Variants in PHF12 observed in about 807,000 individuals in gnomAD.
PHF12 encodes the protein PHD finger protein 12.
Under a neutral mutation model 99.8 loss-of-function variants are expected in PHF12, and 6 were observed. The ratio of observed to expected loss-of-function variants is 0.06; its 90% confidence interval spans 0.03 to 0.12. The LOEUF (loss-of-function observed/expected upper bound fraction) is 0.12. Ranked by LOEUF, PHF12 falls within the 10% of genes least tolerant of loss-of-function variation. PHF12 has a pLI of 1.00. For missense variants in PHF12, 954 were observed against 1,300.1 expected, an observed-to-expected ratio of 0.73 and a Z score of 4.09; for synonymous variants, 480 against 514.9, an observed-to-expected ratio of 0.93 and a Z score of 0.92.
intron 5 of PHF12, 55 bp downstream of exon 5, chr17:28,921,633 A>G: frequency 1.3e-6 from 2 of 1,591,148 alleles, no homozygotes; most frequent in African/African-American, 1.3e-5. Context: ...TGATGAGAGA[A>G]AAAGTATCAT....
At position 28,906,758 on chromosome 17, in the gene PHF12, T is replaced by A. The variant is rs934226122; in HGVS notation, c.2680+98A>T. The A allele has an allele frequency of 5.4e-6, 8 of 1,477,064 alleles. No homozygotes were observed. In the East Asian group the frequency reaches 1.8e-4, roughly 34 times the overall value. The allele number at this position is 1,477,064 out of a possible 1,614,324, so 91.5% of individuals were successfully genotyped here. The stretch of plus-strand genomic sequence containing the variant: ...CCACGAGGAAGTAGAGCTTGGCCAA[T>A]AGGACTGGGAAGGCAAGAGACAGAC... On this transcript the variant is annotated intron_variant, in intron 14 of 14. Transcript: ENST00000332830. The surrounding 1 kb of genome is among the most constrained non-coding windows in gnomAD (Gnocchi z 4.2).
At chr17:28,938,817 G>C (rs2040557517) in intron 2 of PHF12, among the ~76,000 whole-genome samples, 1 of 152,058 alleles carries the variant, frequency 6.6e-6, no homozygotes, top group Non-Finnish European at 1.5e-5. Context: ...GTGCTGACTT[G>C]GGCTTCCAAA....
chr17:28,914,925 C>G (rs1428173905), intron 7 of PHF12, among the ~76,000 whole-genome samples: 1 of 152,158 alleles, frequency 6.6e-6, no homozygotes, highest in African/African-American at 2.4e-5. Context: ...GGGCACTGTT[C>G]CAAGTTCTAG....
In PHF12 at chr17:28,906,076, G is replaced by C; in HGVS notation, c.*107C>G. ...ATTTCATGCAAAGATTGTAGTTGAAGGGTTTCTGGTAGAGTATAGAAAACA... is the reference window on the plus strand; with the variant it reads ...ATTTCATGCAAAGATTGTAGTTGAACGGTTTCTGGTAGAGTATAGAAAACA... On this transcript the variant is annotated 3_prime_UTR_variant, in exon 15 of 15. Coordinates refer to ENST00000332830, the MANE Select transcript of PHF12 (RefSeq NM_001033561.2). The surrounding 1 kb of genome is among the most constrained non-coding windows in gnomAD (Gnocchi z 4.2). The C allele has an allele frequency of 1.9e-6, 2 of 1,053,486 alleles. No individual in the cohort carries two copies. The highest frequency in any genetic ancestry group is 5.3e-5 in the East Asian group (2 of 37,694). The allele number at this position is 1,053,486 out of a possible 1,614,324, so 65.3% of individuals were successfully genotyped here.
Position 28,906,020 on chromosome 17 carries a change from AT to A in PHF12, c.*162del, listed in dbSNP as rs1341893998. 1.0e-4 allele frequency: 75 copies of A among 730,564 alleles called. No individual in the cohort carries two copies. In the Admixed American group the frequency reaches 2.5e-3, roughly 24 times the overall value. 45.3% of individuals were successfully genotyped at this position (730,564 alleles called of 1,614,324 possible). On this transcript the variant is annotated 3_prime_UTR_variant, in exon 15 of 15. Coordinates refer to ENST00000332830, the MANE Select transcript of PHF12 (RefSeq NM_001033561.2). This position sits in a 1 kb window ranked among gnomAD's most constrained non-coding sequence, Gnocchi z 4.2. ...CCTAGAACTTGAGAAAAGAAAAAGG[AT>A]TTTTAAAAAACAGTCAAAAGGTTTT...
At chr17:28,936,803 CATCT>C (rs1191820521) in intron 2 of PHF12, among the ~76,000 whole-genome samples, 43 of 152,272 alleles carry the variant, frequency 2.8e-4, no homozygotes, top group Admixed American at 1.2e-3. Flanking sequence ...CTCATCCATC[CATCT>C]GAGGACCACT....
intron 3 of PHF12, chr17:28,926,741 C>T (rs887757834): frequency 4.9e-6 from 7 of 1,433,122 alleles, no homozygotes; most frequent in Non-Finnish European, 6.5e-6. Flanking sequence ...AAGACTACTC[C>T]TGTCACTAGT....
intron 2 of PHF12, among the ~76,000 whole-genome samples, chr17:28,935,970 C>T (rs1255566454): frequency 6.6e-6 from 1 of 152,194 alleles, no homozygotes; most frequent in Non-Finnish European, 1.5e-5. Context: ...AATCGAAGCC[C>T]AGAGCCAGAT....
Position 28,906,245 on chromosome 17 carries a change from C to G in PHF12, c.2953G>C (p.Ala985Pro), listed in dbSNP as rs113754622. The G allele has an allele frequency of 1.9e-6, 3 of 1,613,150 alleles. No homozygotes were observed. Among genetic ancestry groups the G allele is most frequent in the Non-Finnish European group, 1.7e-6 (2 of 1,179,192 alleles). ...DASLLQDGVL[A>P]EKLSLKPHQG... Reference sequence around the variant, plus strand: ...TGGGGCTTGAGAGAGAGCTTCTCGGCCAAGACCCCATCCTGCAGCAGGCTG... The same window carrying G: ...TGGGGCTTGAGAGAGAGCTTCTCGGGCAAGACCCCATCCTGCAGCAGGCTG... The change falls in exon 15 of 15, where the codon GCC becomes CCC. Residue 985 changes from alanine (A) to proline (P), a missense_variant. This residue lies in a region of PHF12 where 136 missense variants were observed against 172.3 expected (regional missense o/e 0.79). Coordinates refer to ENST00000332830, the MANE Select transcript of PHF12 (RefSeq NM_001033561.2). The surrounding 1 kb of genome is among the most constrained non-coding windows in gnomAD (Gnocchi z 4.2).
intron 9 of PHF12, among the ~76,000 whole-genome samples, chr17:28,911,759 G>A (rs1435551696): frequency 2.0e-5 from 3 of 152,070 alleles, no homozygotes; most frequent in African/African-American, 4.8e-5. Context: ...CAGTTCAGAC[G>A]GGAGAGACCA....
intron 2 of PHF12, among the ~76,000 whole-genome samples, chr17:28,938,783 G>C (rs1331332174): frequency 6.6e-6 from 1 of 152,154 alleles, no homozygotes; most frequent in South Asian, 2.1e-4. Flanking sequence ...AAACTGTGCT[G>C]TCATGGTTTG....
At chr17:28,917,507 G>GT (rs1369122852) in intron 6 of PHF12, 58 bp from the exon 7 acceptor site, 1 of 1,527,194 alleles carries the variant, frequency 6.5e-7, no homozygotes, top group East Asian at 2.3e-5. Flanking sequence ...TCCTATCCCA[G>GT]TTAACCCCAT....
At chr17:28,947,531 T>C (rs1435494567) in intron 2 of PHF12, among the ~76,000 whole-genome samples, 1 of 151,700 alleles carries the variant, frequency 6.6e-6, no homozygotes, top group Non-Finnish European at 1.5e-5. Context: ...TAAGCCGAGA[T>C]TGCACCACTG....
chr17:28,950,468 A>AG lies in PHF12; in HGVS notation c.67-223dup. 1.7e-6 allele frequency: 1 copy of AG among 591,414 alleles called. No individual in the cohort carries two copies. The highest frequency in any genetic ancestry group is 3.0e-6 in the Non-Finnish European group (1 of 335,548). The allele number at this position is 591,414 out of a possible 1,614,324, so 36.6% of individuals were successfully genotyped here. On this transcript the variant is annotated intron_variant, in intron 1 of 14. Transcript: ENST00000332830. This position sits in a 1 kb window ranked among gnomAD's most constrained non-coding sequence, Gnocchi z 5.7. ...CGAGAACAGCTTCTTCCAAATGGGG[A>AG]GGATCAAGGGTAGGGGGATGGGAAG...
intron 2 of PHF12, chr17:28,928,378 A>G (rs1465321614): frequency 6.6e-6 from 1 of 152,210 alleles, no homozygotes; most frequent in Non-Finnish European, 1.5e-5. Context: ...CAGCTTTTCC[A>G]TGAGTTCATA....
intron 10 of PHF12, 117 bp from the exon 11 acceptor site, chr17:28,910,486 A>T (rs1352278039): frequency 1.6e-6 from 2 of 1,255,690 alleles, no homozygotes; most frequent in Non-Finnish European, 2.2e-6. Flanking sequence ...AGTGATTTTT[A>T]CTCAAACAGC....
chr17:28,923,863 TGG>T, intron 4 of PHF12, 44 bp downstream of exon 4: 2 of 1,556,518 alleles, frequency 1.3e-6, no homozygotes, highest in Non-Finnish European at 1.7e-6. Context: ...GCTGGTCCTT[TGG>T]GGAAACTGGG....
chr17:28,935,151 C>G (rs2040486308), intron 2 of PHF12, among the ~76,000 whole-genome samples: 1 of 152,252 alleles, frequency 6.6e-6, no homozygotes, highest in Admixed American at 6.5e-5. Context: ...AGAGTATCTT[C>G]CCATTTTCAC....
Position 28,906,900 on chromosome 17 carries a change from G to C in PHF12, c.2636C>G (p.Pro879Arg). 1 of 1,612,978 alleles carries C rather than the reference G, an allele frequency of 6.2e-7. No homozygotes were observed. The highest frequency in any genetic ancestry group is 8.5e-7 in the Non-Finnish European group (1 of 1,179,464). Residue 879 changes from proline to arginine, a missense_variant, in exon 14 of 15, where the codon CCA (proline) becomes CGA (arginine). Physicochemically the swap from Pro to Arg is moderately radical, Grantham distance 103 (BLOSUM62 -2). Around this residue, in one of 8 missense-constraint regions of PHF12, gnomAD observed 136 missense variants for 172.3 expected, o/e 0.79. Transcript: ENST00000332830. The surrounding 1 kb of genome is among the most constrained non-coding windows in gnomAD (Gnocchi z 4.2). ...GGCAACAATACTGCTTGGGGGGGTT[G>C]GCGGGGTCTTCTCCGAGAAGTCACA... The part of the protein sequence containing the change: ...YSCDFSEKTP[P>R]TPPSSIVAKV...
Sources: gnomAD v4.1 joint callset for allele counts (sites outside exome capture counted in the v4.1 genomes callset) on GRCh38, gnomAD v4.1.1 for gene constraint, gnomAD v4.1.1 regional missense constraint, Gnocchi (gnomAD v3.1) non-coding constraint, MANE v1.5 for transcripts, NCBI Gene and HGNC (gene_info 2026-07-23, HGNC 2026-07-21) for gene names.